The following CTNNA3 variants were observed in gnomAD, a reference collection of about 807,000 sequenced individuals.
CTNNA3 encodes catenin alpha-3.
A neutral mutation model predicts 95.7 loss-of-function variants in CTNNA3; 76 were observed. That is an observed-to-expected ratio of 0.79 (90% confidence interval 0.66 to 0.96). CTNNA3 has a LOEUF of 0.96. Among genes scored for constraint, CTNNA3 ranks in the 40% least tolerant of loss-of-function variants. The pLI, the probability that CTNNA3 is intolerant of heterozygous loss-of-function variation, is 0.00. For missense variants in CTNNA3, 1,191 were observed against 1,089.8 expected (o/e 1.09, Z -1.31); for synonymous variants, 431 against 374.4 (o/e 1.15, Z -1.74).
chr10:67,293,307 T>G (rs1264965212), intron 5 of CTNNA3, among the ~76,000 whole-genome samples: 5 of 152,202 alleles, frequency 3.3e-5, no homozygotes, highest in Non-Finnish European at 7.4e-5. Flanking sequence ...AAAATCAGCT[T>G]AAATTGTGTC....
intron 3 of CTNNA3, among the ~76,000 whole-genome samples, chr10:67,596,927 C>A (rs1842948432): frequency 6.6e-6 from 1 of 152,184 alleles, no homozygotes; most frequent in South Asian, 2.1e-4. Flanking sequence ...GGTCTCTTTA[C>A]ATAATCCCAT....
chr10:67,199,943 T>C (rs1215209987), intron 6 of CTNNA3, among the ~76,000 whole-genome samples: 1 of 152,126 alleles, frequency 6.6e-6, no homozygotes. Context: ...TATCAGGATA[T>C]TATAAAACAC....
At chr10:66,184,332 G>A (rs1232539384) in intron 13 of CTNNA3, among the ~76,000 whole-genome samples, 1 of 151,900 alleles carries the variant, frequency 6.6e-6, no homozygotes, top group Non-Finnish European at 1.5e-5. Context: ...TAACTTTAAT[G>A]TAGTTAAACT....
chr10:66,422,127 T>C (rs946173535), intron 11 of CTNNA3, among the ~76,000 whole-genome samples: 2 of 152,050 alleles, frequency 1.3e-5, no homozygotes, highest in South Asian at 2.1e-4. Flanking sequence ...GAAGTAAACA[T>C]TGCACAAATA....
intron 17 of CTNNA3, among the ~76,000 whole-genome samples, chr10:65,930,522 AG>A (rs1443660998): frequency 6.6e-6 from 1 of 152,214 alleles, no homozygotes; most frequent in African/African-American, 2.4e-5. Flanking sequence ...TGAGAGTAAA[AG>A]TAACCATGAC....
chr10:66,902,633 A>G (rs890731591), intron 7 of CTNNA3, among the ~76,000 whole-genome samples: 2 of 152,222 alleles, frequency 1.3e-5, no homozygotes, highest in African/African-American at 4.8e-5. Flanking sequence ...ATAGACCACT[A>G]GCAAGACAAA....
At chr10:66,440,183 C>T (rs778863109) in intron 11 of CTNNA3, among the ~76,000 whole-genome samples, 14 of 152,002 alleles carry the variant, frequency 9.2e-5, no homozygotes, top group Non-Finnish European at 1.5e-4. Flanking sequence ...GAAATTAATG[C>T]GAGCCAAAAT....
intron 15 of CTNNA3, 55 bp from the exon 16 acceptor site, chr10:65,988,852 G>C (rs1397034978): frequency 1.6e-6 from 2 of 1,249,962 alleles, no homozygotes; most frequent in East Asian, 2.4e-5. Flanking sequence ...ATATATGTTA[G>C]CTACGATGGT....
intron 7 of CTNNA3, among the ~76,000 whole-genome samples, chr10:67,083,528 A>G (rs1050166444): frequency 5.3e-5 from 8 of 152,140 alleles, no homozygotes; most frequent in African/African-American, 1.9e-4. Context: ...ACTACATTTG[A>G]GTTATATGTG....
At chr10:66,730,660 A>G (rs1424910289) in intron 9 of CTNNA3, among the ~76,000 whole-genome samples, 1 of 152,204 alleles carries the variant, frequency 6.6e-6, no homozygotes, top group African/African-American at 2.4e-5. Flanking sequence ...ATCTCTTCCT[A>G]TGAGCTGGAA....
At chr10:66,958,328 A>T (rs1014111335) in intron 7 of CTNNA3, among the ~76,000 whole-genome samples, 1 of 141,914 alleles carries the variant, frequency 7.0e-6, no homozygotes, top group African/African-American at 2.6e-5. Flanking sequence ...AAAAAAAAAA[A>T]AAAAAATGCC....
chr10:67,323,946 T>C (rs965037578), intron 5 of CTNNA3, among the ~76,000 whole-genome samples: 5 of 152,162 alleles, frequency 3.3e-5, no homozygotes, highest in African/African-American at 1.2e-4. Context: ...TATTCTGTGG[T>C]GTTTTATTTT....
chr10:66,047,660 C>T (rs1028636644), intron 15 of CTNNA3, among the ~76,000 whole-genome samples: 2 of 152,086 alleles, frequency 1.3e-5, no homozygotes, highest in African/African-American at 4.8e-5. Flanking sequence ...AAATAAAGGG[C>T]ACCCAAATAG....
intron 11 of CTNNA3, among the ~76,000 whole-genome samples, chr10:66,387,385 T>C (rs986680927): frequency 3.3e-5 from 5 of 151,978 alleles, no homozygotes; most frequent in African/African-American, 1.2e-4. Context: ...CAAATCAAAA[T>C]CACAATGAGA....
At chr10:67,021,090 G>C (rs1307571119) in intron 7 of CTNNA3, among the ~76,000 whole-genome samples, 1 of 152,068 alleles carries the variant, frequency 6.6e-6, no homozygotes, top group African/African-American at 2.4e-5. Context: ...TATACATTTT[G>C]TAACTATTAC....
At chr10:66,018,847 C>A (rs1307832702) in intron 15 of CTNNA3, among the ~76,000 whole-genome samples, 2 of 151,816 alleles carry the variant, frequency 1.3e-5, no homozygotes, top group African/African-American at 4.8e-5. Context: ...TAGACTACAT[C>A]TTTGAAGGAA....
intron 13 of CTNNA3, among the ~76,000 whole-genome samples, chr10:66,126,183 A>G (rs2082822976): frequency 6.6e-6 from 1 of 152,242 alleles, no homozygotes; most frequent in Admixed American, 6.5e-5. Flanking sequence ...AATTACCAGT[A>G]AGCAATATGC....
intron 3 of CTNNA3, among the ~76,000 whole-genome samples, chr10:67,554,701 C>G (rs12354930): frequency 0.14 from 20,773 of 151,774 alleles, 3,152 homozygotes; most frequent in African/African-American, 0.38. Flanking sequence ...CCATTCTATA[C>G]GTTGCCTGTT....
chr10:66,661,543 A>G (rs1031274596), intron 9 of CTNNA3, among the ~76,000 whole-genome samples: 6 of 152,146 alleles, frequency 3.9e-5, no homozygotes, highest in African/African-American at 1.4e-4. Flanking sequence ...ATTAGTTAAA[A>G]ATAATTTCAT....
Sources: gnomAD v4.1 joint callset for allele counts (sites outside exome capture counted in the v4.1 genomes callset) on GRCh38, gnomAD v4.1.1 for gene constraint, MANE v1.5 for transcripts, NCBI Gene and HGNC (gene_info 2026-07-23, HGNC 2026-07-21) for gene names.